UBE2E2: variants seen among roughly 807,000 people sequenced by gnomAD.
The protein encoded by UBE2E2 is ubiquitin conjugating enzyme E2 E2.
In UBE2E2, 6 loss-of-function variants were observed where a neutral mutation model predicts 24.7. That is an observed-to-expected ratio of 0.24 (90% confidence interval 0.13 to 0.48). The LOEUF (loss-of-function observed/expected upper bound fraction) is 0.48. UBE2E2 is among the 20% of genes least tolerant of loss of function. The probability of loss-of-function intolerance (pLI) is 0.99; values close to 1 mark genes in which losing one functional copy is unlikely to be tolerated. For missense variants in UBE2E2, 169 were observed against 245.0 expected (o/e 0.69, Z 2.07); for synonymous variants, 104 against 83.6 (o/e 1.24, Z -1.33).
chr3:23,534,372 T>C, intron 5 of UBE2E2: 1 of 355,690 alleles, frequency 2.8e-6, no homozygotes, highest in Non-Finnish European at 3.9e-6. Context: ...AAATGCATTC[T>C]GCAAAAACTT....
intron 1 of UBE2E2, chr3:23,204,738 C>T: frequency 1.0e-6 from 1 of 985,384 alleles, no homozygotes; most frequent in South Asian, 4.7e-5. Context: ...GCATAAATGT[C>T]TTTGCAGTTA....
At chr3:23,258,789 A>T (rs1267450518) in intron 3 of UBE2E2, among the ~76,000 whole-genome samples, 1 of 146,908 alleles carries the variant, frequency 6.8e-6, no homozygotes, top group African/African-American at 2.5e-5. Context: ...GCTACTCGGG[A>T]GGCTGAGGCA....
chr3:23,257,516 C>CCG, intron 3 of UBE2E2, among the ~76,000 whole-genome samples: 1 of 9,034 alleles, frequency 1.1e-4, no homozygotes, highest in Non-Finnish European at 2.8e-4. Flanking sequence ...TCCCGTGCCC[C>CCG]CCCCCCCCCC....
intron 4 of UBE2E2, among the ~76,000 whole-genome samples, chr3:23,508,277 A>G (rs533933844): frequency 1.3e-5 from 2 of 152,306 alleles, no homozygotes; most frequent in African/African-American, 4.8e-5. Flanking sequence ...CACCACCTAC[A>G]ATTACCACCA....
chr3:23,568,668 C>CACATATAT (rs1559424896), intron 5 of UBE2E2, among the ~76,000 whole-genome samples: 35 of 44,036 alleles, frequency 7.9e-4, no homozygotes, highest in South Asian at 3.8e-3. Flanking sequence ...TACATATATA[C>CACATATAT]GCACATATAT....
At chr3:23,343,999 A>G (rs1040072015) in intron 3 of UBE2E2, among the ~76,000 whole-genome samples, 2 of 152,206 alleles carry the variant, frequency 1.3e-5, no homozygotes, top group African/African-American at 4.8e-5. Context: ...TTATCATTCA[A>G]AATGGATTTT....
rs367826228 is a variant in UBE2E2 at position 23,398,969 on chromosome 3, G to A, written c.228-100639G>A. On this transcript the variant is annotated intron_variant, in intron 3 of 5. Coordinates refer to ENST00000396703, the MANE Select transcript of UBE2E2 (RefSeq NM_152653.4). Reference sequence around the variant, plus strand: ...ATTTGAAATTAGTCGCCCTTTATACGTGGGGATATGTTCCAAGACCCCAGT... The same window carrying A: ...ATTTGAAATTAGTCGCCCTTTATACATGGGGATATGTTCCAAGACCCCAGT... Among the ~76,000 whole-genome samples the A allele has an allele frequency of 4.6e-5, 7 of 152,058 alleles. No individual in the cohort carries two copies. The South Asian group carries it at 6.2e-4, about 14-fold the overall frequency.
At chr3:23,420,715 A>G (rs1697774998) in intron 3 of UBE2E2, among the ~76,000 whole-genome samples, 1 of 152,156 alleles carries the variant, frequency 6.6e-6, no homozygotes. Context: ...TTGAATCATG[A>G]TATGTTTTTT....
intron 3 of UBE2E2, among the ~76,000 whole-genome samples, chr3:23,489,223 CT>C (rs1699444461): frequency 6.6e-6 from 1 of 152,038 alleles, no homozygotes. Context: ...TTATTATACA[CT>C]TTATTTATAT....
intron 3 of UBE2E2, among the ~76,000 whole-genome samples, chr3:23,421,595 A>T (rs1423478132): frequency 6.6e-6 from 1 of 152,152 alleles, no homozygotes; most frequent in Non-Finnish European, 1.5e-5. Flanking sequence ...TTTAGTAGAG[A>T]TGGGGTTTCA....
At chr3:23,496,852 C>T (rs954638844) in intron 3 of UBE2E2, among the ~76,000 whole-genome samples, 1 of 152,084 alleles carries the variant, frequency 6.6e-6, no homozygotes, top group African/African-American at 2.4e-5. Flanking sequence ...GAGGTACCAG[C>T]CCCCTGTGCC....
intron 3 of UBE2E2, among the ~76,000 whole-genome samples, chr3:23,351,216 T>TA (rs1695738532): frequency 6.6e-6 from 1 of 152,078 alleles, no homozygotes; most frequent in Non-Finnish European, 1.5e-5. Context: ...AGGCCTGCCC[T>TA]AAAAGAGCTC....
chr3:23,248,804 ACTTAGTCAG>A (rs1399838040), intron 3 of UBE2E2, among the ~76,000 whole-genome samples: 37 of 152,278 alleles, frequency 2.4e-4, no homozygotes, highest in African/African-American at 8.9e-4. Context: ...TCTTTCCTAA[ACTTAGTCAG>A]CTACTTCATC....
chr3:23,542,563 A>T (rs116237123), intron 5 of UBE2E2, among the ~76,000 whole-genome samples: 220 of 152,198 alleles, frequency 1.4e-3, no homozygotes, highest in African/African-American at 4.9e-3. Flanking sequence ...CATGGTGGAG[A>T]GAGAGTGTTT....
intron 3 of UBE2E2, among the ~76,000 whole-genome samples, chr3:23,442,352 C>T (rs1698326813): frequency 6.6e-6 from 1 of 150,964 alleles, no homozygotes; most frequent in African/African-American, 2.5e-5. Context: ...AATCTCCCAC[C>T]CAACCCCCCA....
intron 5 of UBE2E2, among the ~76,000 whole-genome samples, chr3:23,563,478 T>C (rs1695986238): frequency 6.6e-6 from 1 of 152,096 alleles, no homozygotes; most frequent in African/African-American, 2.4e-5. Flanking sequence ...CTGAGGAGTG[T>C]TTTACTTCCA....
chr3:23,484,677 G>A (rs1208793491), intron 3 of UBE2E2, among the ~76,000 whole-genome samples: 1 of 152,148 alleles, frequency 6.6e-6, no homozygotes, highest in Non-Finnish European at 1.5e-5. Flanking sequence ...AAAGAAAAGA[G>A]GTATAATGAA....
At chr3:23,249,404 A>C (rs1398142882) in intron 3 of UBE2E2, among the ~76,000 whole-genome samples, 1 of 152,204 alleles carries the variant, frequency 6.6e-6, no homozygotes, top group African/African-American at 2.4e-5. Flanking sequence ...AAAATACTGG[A>C]TATATGGTAA....
At chr3:23,390,338 C>G (rs1463375338) in intron 3 of UBE2E2, among the ~76,000 whole-genome samples, 1 of 152,172 alleles carries the variant, frequency 6.6e-6, no homozygotes, top group African/African-American at 2.4e-5. Flanking sequence ...AGCTGAACAT[C>G]AAGAGGAGTC....
Sources: gnomAD v4.1 joint callset for allele counts (sites outside exome capture counted in the v4.1 genomes callset) on GRCh38, gnomAD v4.1.1 for gene constraint, MANE v1.5 for transcripts, NCBI Gene and HGNC (gene_info 2026-07-23, HGNC 2026-07-21) for gene names.